The following RHOU variants were observed in gnomAD, a reference collection of about 807,000 sequenced individuals.
The protein encoded by RHOU is rho-related GTP-binding protein RhoU.
Under a neutral mutation model 12.6 loss-of-function variants are expected in RHOU, and 8 were observed. The ratio of observed to expected loss-of-function variants is 0.64; its 90% CI spans 0.37 to 1.15. The LOEUF is 1.15. Ranked by LOEUF, RHOU falls within the 50% of genes most tolerant of loss-of-function variation. The pLI, the probability that RHOU is intolerant of heterozygous loss-of-function variation, is 0.01. For synonymous variants in RHOU, 161 were observed against 147.4 expected (o/e 1.09, Z -0.67); for missense variants, 258 against 347.0 (o/e 0.74, Z 2.04).
chr1:228,647,417 T>G, the RHOU span, among the ~76,000 whole-genome samples: 1 of 151,750 alleles, frequency 6.6e-6, no homozygotes, highest in South Asian at 2.1e-4. Flanking sequence ...GGTACTGGAG[T>G]TGACACGAAG....
chr1:228,660,889 C>T, the RHOU span, among the ~76,000 whole-genome samples: 4 of 147,796 alleles, frequency 2.7e-5, no homozygotes, highest in Admixed American at 2.7e-4. Flanking sequence ...GCTGATATTG[C>T]ACCATTGTAC....
chr1:228,711,469 C>G, the RHOU span, among the ~76,000 whole-genome samples: 4 of 152,014 alleles, frequency 2.6e-5, no homozygotes. Flanking sequence ...AGATATAGAT[C>G]AATGGAACAG....
chr1:228,687,177 C>T, the RHOU span, among the ~76,000 whole-genome samples: 8 of 152,166 alleles, frequency 5.3e-5, no homozygotes, highest in African/African-American at 1.7e-4. Context: ...TTCACTGGCC[C>T]GCTCCACTGA....
upstream of RHOU, among the ~76,000 whole-genome samples, chr1:228,730,608 C>A (rs950339607): frequency 3.9e-5 from 6 of 152,192 alleles, no homozygotes; most frequent in African/African-American, 1.2e-4. Flanking sequence ...AGCAGACAGC[C>A]ATGCTGGCAA....
the RHOU span, chr1:228,650,059 T>C: frequency 3.0e-5 from 12 of 397,692 alleles, no homozygotes; most frequent in Admixed American, 1.2e-4. Context: ...GACTTTTCTC[T>C]AAAGGCATCT....
the RHOU span, among the ~76,000 whole-genome samples, chr1:228,719,020 A>G: frequency 6.6e-6 from 1 of 152,220 alleles, no homozygotes; most frequent in Non-Finnish European, 1.5e-5. Context: ...TTAATTTTAG[A>G]AAGCCCTTTA....
chr1:228,661,439 G>A, the RHOU span, among the ~76,000 whole-genome samples: 5 of 152,114 alleles, frequency 3.3e-5, no homozygotes, highest in Non-Finnish European at 5.9e-5. Flanking sequence ...ATACTACAAG[G>A]CTACAGTAAC....
the RHOU span, among the ~76,000 whole-genome samples, chr1:228,683,080 G>GATCC: frequency 0.011 from 1,621 of 152,250 alleles, 29 homozygotes; most frequent in African/African-American, 0.037. Flanking sequence ...AATCCTTGTT[G>GATCC]AGTTGAATGC....
At chr1:228,697,293 T>C in the RHOU span, among the ~76,000 whole-genome samples, 1 of 152,246 alleles carries the variant, frequency 6.6e-6, no homozygotes, top group African/African-American at 2.4e-5. Flanking sequence ...TGAAATTTTA[T>C]CTTGTGTAAG....
At chr1:228,692,597 A>AT in the RHOU span, among the ~76,000 whole-genome samples, 131 of 152,172 alleles carry the variant, frequency 8.6e-4, no homozygotes, top group South Asian at 1.2e-3. Flanking sequence ...CGATTCTAAA[A>AT]TTTTTTTAAA....
chr1:228,683,099 A>AC, the RHOU span, among the ~76,000 whole-genome samples: 1,615 of 152,256 alleles, frequency 0.011, 28 homozygotes, highest in African/African-American at 0.037. Flanking sequence ...GCCCAGAAGA[A>AC]ATTGCCACCC....
chr1:228,702,665 C>T, the RHOU span, among the ~76,000 whole-genome samples: 1 of 152,156 alleles, frequency 6.6e-6, no homozygotes, highest in Non-Finnish European at 1.5e-5. Context: ...TAGCATAAAC[C>T]TGTCTGACCA....
the RHOU span, among the ~76,000 whole-genome samples, chr1:228,708,939 G>C: frequency 6.6e-6 from 1 of 152,074 alleles, no homozygotes; most frequent in African/African-American, 2.4e-5. Flanking sequence ...ACACACATAG[G>C]CTCAAAATAA....
chr1:228,661,589 T>G, the RHOU span, among the ~76,000 whole-genome samples: 1 of 152,228 alleles, frequency 6.6e-6, no homozygotes, highest in African/African-American at 2.4e-5. Flanking sequence ...AAGGATTCCC[T>G]ATTTAATAAA....
chr1:228,715,955 C>T, the RHOU span, among the ~76,000 whole-genome samples: 1 of 148,982 alleles, frequency 6.7e-6, no homozygotes, highest in Non-Finnish European at 1.5e-5. Flanking sequence ...CACTCTGTCA[C>T]TCAGCCTGGA....
chr1:228,656,514 A>G, the RHOU span, among the ~76,000 whole-genome samples: 1 of 152,216 alleles, frequency 6.6e-6, no homozygotes, highest in East Asian at 1.9e-4. Flanking sequence ...CCCATAATAC[A>G]TAAACATGTA....
chr1:228,680,450 G>T, the RHOU span, among the ~76,000 whole-genome samples: 5 of 152,188 alleles, frequency 3.3e-5, no homozygotes, highest in African/African-American at 1.2e-4. Flanking sequence ...GCTGTGGCTT[G>T]GATGTTCTGA....
the RHOU span, among the ~76,000 whole-genome samples, chr1:228,659,969 A>AAC: frequency 1.1e-3 from 136 of 128,342 alleles, 1 homozygote; most frequent in Non-Finnish European, 1.8e-3. Context: ...AAAAAAACAA[A>AAC]AAAAAAAAAA....
the RHOU span, among the ~76,000 whole-genome samples, chr1:228,652,213 T>G: frequency 6.6e-6 from 1 of 152,218 alleles, no homozygotes; most frequent in Non-Finnish European, 1.5e-5. Flanking sequence ...GTACTTGCTG[T>G]GTATCCTGGG....
Sources: allele counts gnomAD v4.1 joint callset (sites outside exome capture counted in the v4.1 genomes callset), GRCh38; gene constraint gnomAD v4.1.1; transcripts MANE v1.5; gene names NCBI Gene and HGNC (gene_info 2026-07-23, HGNC 2026-07-21).